Variants in ANKRD30BL observed in about 807,000 individuals in gnomAD.
ANKRD30BL encodes ankyrin repeat domain 30B like.
In ANKRD30BL, 20 loss-of-function variants were observed where a neutral mutation model predicts 18.4. The ratio of observed to expected loss-of-function variants is 1.09; its 90% confidence interval spans 0.77 to 1.58. The LOEUF is 1.58. Among genes scored for constraint, ANKRD30BL ranks in the 40% most tolerant of loss-of-function variants. The pLI is 0.00. For missense variants in ANKRD30BL, 224 were observed against 268.6 expected (o/e 0.83, Z 1.16); for synonymous variants, 72 against 100.9 (o/e 0.71, Z 1.72).
chr2:132,219,192 T>G (rs796586723), intron 1 of ANKRD30BL, among the ~76,000 whole-genome samples: 1 of 152,014 alleles, frequency 6.6e-6, no homozygotes, highest in Non-Finnish European at 1.5e-5. Flanking sequence ...TTTGTGATGT[T>G]TGCTTTCAAC....
chr2:132,221,222 G>A (rs1229070034), intron 1 of ANKRD30BL, among the ~76,000 whole-genome samples: 36 of 132,906 alleles, frequency 2.7e-4, no homozygotes, highest in South Asian at 4.8e-4. Context: ...CCGGCCAGCC[G>A]CCCCGTCCGG....
intron 1 of ANKRD30BL, among the ~76,000 whole-genome samples, chr2:132,216,125 T>A (rs866671821): frequency 6.6e-6 from 1 of 152,038 alleles, no homozygotes; most frequent in East Asian, 1.9e-4. Flanking sequence ...ACTCTTTTTG[T>A]AGAATCTGCA....
chr2:132,208,886 G>C (rs1239845392), intron 1 of ANKRD30BL, among the ~76,000 whole-genome samples: 21 of 151,708 alleles, frequency 1.4e-4, no homozygotes, highest in Non-Finnish European at 2.6e-4. Flanking sequence ...TTTGTGATGT[G>C]TGCATTCACC....
chr2:132,253,793 G>C (rs72869412), intron 1 of ANKRD30BL, among the ~76,000 whole-genome samples: 1 of 151,972 alleles, frequency 6.6e-6, no homozygotes, highest in African/African-American at 2.4e-5. Context: ...CCTGGATGGC[G>C]GGGGCGGATG....
At chr2:132,212,286 A>G (rs560276472) in intron 1 of ANKRD30BL, among the ~76,000 whole-genome samples, 1 of 151,932 alleles carries the variant, frequency 6.6e-6, no homozygotes, top group South Asian at 2.1e-4. Flanking sequence ...CCTAAGGCAG[A>G]AAACAAAATA....
At chr2:132,201,557 G>A (rs1201675314) in intron 1 of ANKRD30BL, among the ~76,000 whole-genome samples, 1 of 152,246 alleles carries the variant, frequency 6.6e-6, no homozygotes, top group Admixed American at 6.5e-5. Context: ...ATCATCACTG[G>A]CCATCAGAGA....
chr2:132,195,788 CAAA>C lies in ANKRD30BL; in HGVS notation n.442-38645_442-38643del, dbSNP rs1205804103. Among the ~76,000 whole-genome samples, 80 of 48,634 alleles carry C rather than the reference CAAA, an allele frequency of 1.6e-3. 1 individual carries two copies. The South Asian group carries it at 0.025, about 15-fold the overall frequency. 31.9% of individuals were successfully genotyped at this position (48,634 alleles called of 152,430 possible). The stretch of plus-strand genomic sequence containing the variant: ...CCTGGGCAACAGAGTGAGCCTCTGC[CAAA>C]AAAAAAAAAAAAAAAAAAAAAGAAT... On this transcript the variant is annotated intron_variant and non_coding_transcript_variant, in intron 1 of 4. Coordinates refer to the ANKRD30BL transcript ENST00000470729.
At chr2:132,189,961 G>A (rs889932694) in intron 1 of ANKRD30BL, among the ~76,000 whole-genome samples, 1 of 151,918 alleles carries the variant, frequency 6.6e-6, no homozygotes, top group African/African-American at 2.4e-5. Context: ...GTATAGCACA[G>A]CAAATCAAAG....
intron 1 of ANKRD30BL, among the ~76,000 whole-genome samples, chr2:132,212,767 A>C (rs1573848154): frequency 6.6e-6 from 1 of 152,140 alleles, no homozygotes; most frequent in African/African-American, 2.4e-5. Context: ...GCAAGTGGAC[A>C]TTTGGAGCTC....
At chr2:132,171,846 A>G (rs183423869) in intron 1 of ANKRD30BL, among the ~76,000 whole-genome samples, 3 of 152,278 alleles carry the variant, frequency 2.0e-5, no homozygotes, top group South Asian at 4.1e-4. Context: ...TAATCATCCC[A>G]TATAGAAACT....
At chr2:132,184,462 A>G (rs1449626732) in intron 1 of ANKRD30BL, among the ~76,000 whole-genome samples, 3 of 152,222 alleles carry the variant, frequency 2.0e-5, no homozygotes, top group Admixed American at 6.5e-5. Context: ...CATGGAATTT[A>G]CAATTCACAC....
At chr2:132,189,699 T>G (rs967097419) in intron 1 of ANKRD30BL, among the ~76,000 whole-genome samples, 5 of 151,996 alleles carry the variant, frequency 3.3e-5, no homozygotes, top group African/African-American at 1.2e-4. Context: ...TCTACTTAAA[T>G]AATTAGAAAT....
At chr2:132,163,595 T>G (rs1204841548), upstream of ANKRD30BL, among the ~76,000 whole-genome samples, 1 of 152,252 alleles carries the variant, frequency 6.6e-6, no homozygotes, top group Non-Finnish European at 1.5e-5. Flanking sequence ...TATGTCGAAT[T>G]GTTTACACAT....
intron 1 of ANKRD30BL, among the ~76,000 whole-genome samples, chr2:132,195,373 A>C (rs1404851240): frequency 1.3e-5 from 2 of 152,108 alleles, no homozygotes; most frequent in Non-Finnish European, 2.9e-5. Context: ...AGAGATAATG[A>C]AATAATTATA....
At chr2:132,150,208 AC>A (rs1385170948) in intron 5 of ANKRD30BL, among the ~76,000 whole-genome samples, 18 of 132,110 alleles carry the variant, frequency 1.4e-4, no homozygotes, top group Non-Finnish European at 2.4e-4. Flanking sequence ...ACATAAGGAG[AC>A]CATGTCTCTA....
In ANKRD30BL at chr2:132,233,217, G is replaced by A. The variant is rs1193293838; in HGVS notation, n.441+24312C>T. Among the ~76,000 whole-genome samples the A allele has an allele frequency of 2.6e-4, 40 of 152,106 alleles. No homozygotes were observed. In the South Asian group the frequency reaches 6.0e-3, roughly 23 times the overall value. The stretch of plus-strand genomic sequence containing the variant: ...ACATGGAAAGGAACAACCAGTACCA[G>A]CCACTGCAAAATCATGCCAAAATGT... On this transcript the variant is annotated intron_variant and non_coding_transcript_variant, in intron 1 of 4. Transcript: ENST00000470729.
chr2:132,224,068 C>T (rs1315108488), intron 1 of ANKRD30BL, among the ~76,000 whole-genome samples: 8 of 152,066 alleles, frequency 5.3e-5, no homozygotes, highest in Non-Finnish European at 1.2e-4. Context: ...TTGAAACTCT[C>T]TTTTTTTAGA....
chr2:132,232,983 T>C lies in ANKRD30BL; in HGVS notation n.441+24546A>G, dbSNP rs1680063332. 2.0e-5 allele frequency among the ~76,000 whole-genome samples: 3 copies of C among 152,134 alleles called. No individual in the cohort carries two copies. The South Asian group carries it at 6.2e-4, about 32-fold the overall frequency. On this transcript the variant is annotated intron_variant and non_coding_transcript_variant, in intron 1 of 4. Coordinates refer to the ANKRD30BL transcript ENST00000470729. ...GGAAGCCCACCAGACTAACAGCGGA[T>C]CTCTTGGCAGAAACCCTACAAGCCA...
Position 132,207,991 on chromosome 2 carries a change from G to A in ANKRD30BL, n.441+49538C>T, listed in dbSNP as rs1321852907. Among the ~76,000 whole-genome samples the A allele has an allele frequency of 2.6e-5, 4 of 152,244 alleles. No individual in the cohort carries two copies. The East Asian group carries it at 7.7e-4, about 29-fold the overall frequency. On this transcript the variant is annotated intron_variant and non_coding_transcript_variant, in intron 1 of 4. Coordinates refer to the ANKRD30BL transcript ENST00000470729. ...TGTGAAATTGTTTCTCAAAAAAGGA[G>A]GGGGCGGGTAATTTTTGTACAAAAG...
Sources: gnomAD v4.1 joint callset for allele counts (sites outside exome capture counted in the v4.1 genomes callset) on GRCh38, gnomAD v4.1.1 for gene constraint, MANE v1.5 for transcripts, NCBI Gene and HGNC (gene_info 2026-07-23, HGNC 2026-07-21) for gene names.